Variants in PLCH2 observed in about 807,000 individuals in gnomAD.
The protein encoded by PLCH2 is phospholipase C eta 2, also known as 1-phosphatidylinositol 4,5-bisphosphate phosphodiesterase eta-2.
Under a neutral mutation model 134.7 loss-of-function variants are expected in PLCH2, and 98 were observed. That is an observed-to-expected ratio of 0.73 (90% CI 0.62 to 0.86). The LOEUF is 0.86. Among genes scored for constraint, PLCH2 ranks in the 40% least tolerant of loss-of-function variants. The probability of loss-of-function intolerance (pLI) is 0.00; values close to 1 mark genes in which losing one functional copy is unlikely to be tolerated. For synonymous variants in PLCH2, 974 were observed against 827.5 expected (o/e 1.18, Z -3.04); for missense variants, 1,994 against 1,986.6 (o/e 1.00, Z -0.07).
At chr1:2,435,197 C>T (rs1223841894) in intron 2 of PLCH2, among the ~76,000 whole-genome samples, 1 of 152,126 alleles carries the variant, frequency 6.6e-6, no homozygotes, top group African/African-American at 2.4e-5. Flanking sequence ...GAAGATGGTC[C>T]CGGGGGTGAG....
At chr1:2,426,401 T>C (rs1023841700) in intron 1 of PLCH2, among the ~76,000 whole-genome samples, 1 of 152,178 alleles carries the variant, frequency 6.6e-6, no homozygotes, top group Admixed American at 6.5e-5. Flanking sequence ...TGAGTGGGGC[T>C]CCGGGGTGTC....
chr1:2,503,619 A>G (rs1643359592), intron 21 of PLCH2: 2 of 692,940 alleles, frequency 2.9e-6, no homozygotes, highest in Non-Finnish European at 5.3e-6. Context: ...CTCCGTAGTT[A>G]GGAACTGAGA....
chr1:2,463,049 T>G (rs1640898849), upstream of PLCH2, among the ~76,000 whole-genome samples: 1 of 152,228 alleles, frequency 6.6e-6, no homozygotes, highest in African/African-American at 2.4e-5. Context: ...GCCGCAGAGC[T>G]GTCAGCACCG....
intron 21 of PLCH2, chr1:2,503,094 C>T (rs1334874752): frequency 2.9e-6 from 2 of 696,446 alleles, no homozygotes; most frequent in Non-Finnish European, 2.6e-6. Context: ...TAGCCCCAGC[C>T]CTCCTGTCTG....
chr1:2,469,320 G>A (rs1280942679), intron 1 of PLCH2, among the ~76,000 whole-genome samples: 5 of 152,214 alleles, frequency 3.3e-5, no homozygotes, highest in African/African-American at 1.2e-4. Flanking sequence ...CCTAGTCTTA[G>A]GAGGGGGCAG....
chr1:2,503,631 C>T (rs548980100), intron 21 of PLCH2: 6 of 696,782 alleles, frequency 8.6e-6, no homozygotes, highest in East Asian at 2.7e-5. Flanking sequence ...GAACTGAGAG[C>T]GGCGAGTGAC....
rs752467348 is a variant in PLCH2 at position 2,496,934 on chromosome 1, C to A, written c.2040C>A (p.Arg680=). 1 of 1,613,346 alleles carries A rather than the reference C, an allele frequency of 6.2e-7. No individual in the cohort carries two copies. Among genetic ancestry groups the A allele is most frequent in the South Asian group, 1.1e-5 (1 of 91,088 alleles). ...YLRFNQQQLS[R]IYPSSYRVDS... ...GCTTCAACCAGCAGCAGCTCTCCCG[C>A]ATCTACCCCTCCTCCTACCGTGTGG... The change falls in exon 15 of 22, where the codon CGC becomes CGA. Residue 680 remains arginine (R), a synonymous_variant. Transcript: ENST00000378486.
intron 2 of PLCH2, among the ~76,000 whole-genome samples, chr1:2,443,571 C>T (rs1272619732): frequency 6.7e-6 from 1 of 149,930 alleles, no homozygotes; most frequent in African/African-American, 2.5e-5. Flanking sequence ...ACTTTGGCTG[C>T]GGCGGGCGCA....
rs1338986734 is a variant in PLCH2 at position 2,478,494 on chromosome 1, C to G, written c.143C>G (p.Ala48Gly). Residue 48 changes from alanine to glycine, a missense_variant, in exon 2 of 22, where the codon GCC becomes GGC. Transcript: ENST00000378486. Reference protein sequence around the residue: ...LGPLVERCMGAMQEGMQMVKL... With the variant: ...LGPLVERCMGGMQEGMQMVKL... ...TGTCCAGTGGAGCGGTGCATGGGTG[C>G]CATGCAAGAGGGGATGCAGATGGTG... 4.3e-6 allele frequency: 7 copies of G among 1,612,710 alleles called. No individual in the cohort carries two copies. Among genetic ancestry groups the G allele is most frequent in the Non-Finnish European group, 5.9e-6 (7 of 1,179,806 alleles).
chr1:2,479,883 G>A lies in PLCH2; in HGVS notation c.421G>A (p.Glu141Lys), dbSNP rs746407398. The A allele has an allele frequency of 1.6e-5, 26 of 1,611,738 alleles. No homozygotes were observed. The African/African-American group carries it at 2.9e-4, about 18-fold the overall frequency. The part of the protein sequence containing the change: ...ESLDLVSTSS[E>K]VARTWVTGLR... ...GCTGGACCTGGTCTCCACCAGCAGCGAGGTGGCGCGCACCTGGGTCACTGG... is the reference window on the plus strand; with the variant it reads ...GCTGGACCTGGTCTCCACCAGCAGCAAGGTGGCGCGCACCTGGGTCACTGG... The change falls in exon 3 of 22, where the codon GAG (glutamate) becomes AAG (lysine). Residue 141 changes from glutamate (E) to lysine (K), a missense_variant. Glu to Lys is a moderately conservative substitution (Grantham distance 56, BLOSUM62 1). Around this residue, in one of 2 missense-constraint regions of PLCH2, gnomAD observed 1,094 missense variants for 1,234.3 expected, o/e 0.89. Transcript: ENST00000378486.
chr1:2,440,296 G>A (rs1023650322), intron 2 of PLCH2, among the ~76,000 whole-genome samples: 1 of 152,190 alleles, frequency 6.6e-6, no homozygotes, highest in African/African-American at 2.4e-5. Flanking sequence ...GATCTCGGGT[G>A]GGGGGCAGGC....
intron 2 of PLCH2, among the ~76,000 whole-genome samples, chr1:2,440,883 G>T (rs74647349): frequency 2.0e-5 from 3 of 152,214 alleles, no homozygotes; most frequent in Non-Finnish European, 4.4e-5. Flanking sequence ...GCTTGGCCAC[G>T]TCCCCCCGGG....
chr1:2,425,691 T>TG (rs1209375788), upstream of PLCH2, among the ~76,000 whole-genome samples: 1 of 101,052 alleles, frequency 9.9e-6, no homozygotes, highest in Non-Finnish European at 2.4e-5. Flanking sequence ...TTTTGGTGTG[T>TG]TTTTTTTTTT....
chr1:2,486,911 C>G lies in PLCH2; in HGVS notation c.821C>G (p.Ala274Gly). The G allele has an allele frequency of 6.2e-7, 1 of 1,602,966 alleles. No individual in the cohort carries two copies. The change falls in exon 6 of 22, where the codon GCG becomes GGG. Residue 274 changes from alanine (A) to glycine (G), a missense_variant. Ala to Gly is a moderately conservative substitution (Grantham distance 60). Around this residue, in one of 2 missense-constraint regions of PLCH2, gnomAD observed 1,094 missense variants for 1,234.3 expected, o/e 0.89. Coordinates refer to ENST00000378486, the MANE Select transcript of PLCH2 (RefSeq NM_014638.4). ...QRFLQVEQKM[A>G]GVTLESCQDI... ...CATGCCCCTGCTCTGGCCTAGATGG[C>G]GGGTGTGACCCTCGAGAGCTGCCAG...
At chr1:2,486,826 A>G (rs1642310552) in intron 5 of PLCH2, 81 bp from the exon 6 acceptor site, 6 of 1,016,308 alleles carry the variant, frequency 5.9e-6, no homozygotes, top group Admixed American at 2.0e-5. Flanking sequence ...CAGGCAGGGG[A>G]CAGTGGTGAT....
intron 2 of PLCH2, among the ~76,000 whole-genome samples, chr1:2,459,663 T>TTCC (rs1472037841): frequency 3.3e-5 from 4 of 120,792 alleles, no homozygotes; most frequent in East Asian, 2.2e-4. Flanking sequence ...TGGTCCTCCT[T>TTCC]GCCTGTGGTC....
chr1:2,486,462 C>T (rs925469240), intron 5 of PLCH2, among the ~76,000 whole-genome samples: 4 of 152,196 alleles, frequency 2.6e-5, no homozygotes, highest in Admixed American at 6.5e-5. Context: ...TGGGCTGGGC[C>T]GGACTGTGGT....
chr1:2,487,071 G>A, intron 6 of PLCH2, 71 bp downstream of exon 6: 1 of 1,511,474 alleles, frequency 6.6e-7, no homozygotes, highest in Non-Finnish European at 9.0e-7. Flanking sequence ...CAACCTGTGG[G>A]CCGGGACAGG....
chr1:2,437,550 C>T (rs1484444335), intron 2 of PLCH2, among the ~76,000 whole-genome samples: 4 of 151,874 alleles, frequency 2.6e-5, no homozygotes, highest in Non-Finnish European at 5.9e-5. Flanking sequence ...TCTCCTGTCC[C>T]ATGTCCCACT....
Sources: allele counts gnomAD v4.1 joint callset (sites outside exome capture counted in the v4.1 genomes callset), GRCh38; gene constraint gnomAD v4.1.1; regional missense constraint gnomAD v4.1.1; transcripts MANE v1.5; gene names NCBI Gene and HGNC (gene_info 2026-07-23, HGNC 2026-07-21).